The following NRXN3 variants were observed in gnomAD, a reference collection of about 807,000 sequenced individuals.
The protein encoded by NRXN3 is neurexin III.
A neutral mutation model predicts 137.6 loss-of-function variants in NRXN3; 32 were observed. The observed-to-expected ratio is 0.23, with a 90% CI of 0.18 to 0.31. NRXN3 has a LOEUF of 0.31. NRXN3 is among the 10% of genes least tolerant of loss of function. The probability of loss-of-function intolerance (pLI) is 1.00; values close to 1 mark genes in which losing one functional copy is unlikely to be tolerated. For synonymous variants in NRXN3, 798 were observed against 784.5 expected (o/e 1.02, Z -0.29); for missense variants, 1,574 against 2,062.5 (o/e 0.76, Z 4.59).
intron 6 of NRXN3, among the ~76,000 whole-genome samples, chr14:78,661,554 G>C (rs960115306): frequency 1.3e-5 from 2 of 152,182 alleles, no homozygotes; most frequent in Non-Finnish European, 2.9e-5. Flanking sequence ...TAACTTTGTG[G>C]ATGGCAGGGA....
At chr14:79,697,004 A>G (rs2098737936) in intron 18 of NRXN3, among the ~76,000 whole-genome samples, 1 of 151,960 alleles carries the variant, frequency 6.6e-6, no homozygotes, top group Non-Finnish European at 1.5e-5. Flanking sequence ...TTTGTTAACC[A>G]GAAAATAGAA....
chr14:78,817,067 G>T (rs2098935886), intron 10 of NRXN3, among the ~76,000 whole-genome samples: 1 of 152,162 alleles, frequency 6.6e-6, no homozygotes, highest in African/African-American at 2.4e-5. Flanking sequence ...ATATGTTATA[G>T]TAATTTTGTG....
At chr14:78,834,205 G>A (rs1048167416) in intron 10 of NRXN3, among the ~76,000 whole-genome samples, 1 of 152,068 alleles carries the variant, frequency 6.6e-6, no homozygotes, top group African/African-American at 2.4e-5. Flanking sequence ...GGAAGCTTGA[G>A]GAAACATTTA....
chr14:79,706,589 T>G (rs1387617843), intron 19 of NRXN3, among the ~76,000 whole-genome samples: 1 of 151,926 alleles, frequency 6.6e-6, no homozygotes, highest in African/African-American at 2.4e-5. Flanking sequence ...CGAGATCTGC[T>G]CTCTTATCTG....
intron 15 of NRXN3, among the ~76,000 whole-genome samples, chr14:79,075,618 C>T (rs1365998869): frequency 6.6e-6 from 1 of 152,104 alleles, no homozygotes; most frequent in East Asian, 1.9e-4. Context: ...ATTAAGTCTT[C>T]CTTTCTGTCC....
chr14:79,861,717 G>A lies in NRXN3; in HGVS notation c.4469G>A (p.Arg1490Gln). 6.2e-7 allele frequency: 1 copy of A among 1,614,134 alleles called. No homozygotes were observed. The highest frequency in any genetic ancestry group is 8.5e-7 in the Non-Finnish European group (1 of 1,180,030). The change falls in exon 21 of 21, where the codon CGG (arginine) becomes CAG (glutamine). Residue 1490 changes from arginine (R) to glutamine (Q), a missense_variant. Physicochemically the swap from Arg to Gln is conservative, Grantham distance 43. Around this residue, in one of 5 missense-constraint regions of NRXN3, gnomAD observed 320 missense variants for 387.1 expected, o/e 0.83. Coordinates refer to ENST00000335750, the MANE Select transcript of NRXN3 (RefSeq NM_001330195.2). This position sits in a 1 kb window ranked among gnomAD's most constrained non-coding sequence, Gnocchi z 5.4. The part of the protein sequence containing the change: ...RRVPGASEVI[R>Q]ESSSTTGMVV... ...GTTCCGGGGGCCTCAGAGGTGATCCGGGAGTCGAGCAGCACAACAGGGATG... is the reference window on the plus strand; with the variant it reads ...GTTCCGGGGGCCTCAGAGGTGATCCAGGAGTCGAGCAGCACAACAGGGATG...
chr14:79,691,674 C>T, intron 17 of NRXN3, among the ~76,000 whole-genome samples: 1 of 152,050 alleles, frequency 6.6e-6, no homozygotes. Flanking sequence ...CCTGTCGGAA[C>T]ATAAAGCTGT....
chr14:78,184,406 G>A (rs2060059805), intron 1 of NRXN3, among the ~76,000 whole-genome samples: 1 of 152,168 alleles, frequency 6.6e-6, no homozygotes, highest in Non-Finnish European at 1.5e-5. Context: ...GAGGCAGTTG[G>A]CAAATTTTGG....
intron 19 of NRXN3, among the ~76,000 whole-genome samples, chr14:79,796,109 G>A (rs2099160234): frequency 6.6e-6 from 1 of 152,080 alleles, no homozygotes. Context: ...AGAGAGGACA[G>A]CACCAATAAG....
At chr14:79,300,798 A>C (rs2085014979) in intron 15 of NRXN3, among the ~76,000 whole-genome samples, 2 of 152,080 alleles carry the variant, frequency 1.3e-5, no homozygotes, top group Non-Finnish European at 1.5e-5. Flanking sequence ...ATACTACAAA[A>C]GGGTGAGCGT....
At chr14:78,552,945 C>A (rs544308410) in intron 4 of NRXN3, among the ~76,000 whole-genome samples, 23 of 152,228 alleles carry the variant, frequency 1.5e-4, no homozygotes, top group Non-Finnish European at 2.8e-4. Flanking sequence ...TAAATTATAT[C>A]AATGTATTAA....
intron 16 of NRXN3, among the ~76,000 whole-genome samples, chr14:79,479,075 TATC>T (rs2096584112): frequency 6.6e-6 from 1 of 152,158 alleles, no homozygotes; most frequent in African/African-American, 2.4e-5. Flanking sequence ...TGATTACCCT[TATC>T]ATTATCTTAG....
At chr14:78,704,686 G>C (rs1299129987) in intron 6 of NRXN3, among the ~76,000 whole-genome samples, 2 of 152,094 alleles carry the variant, frequency 1.3e-5, no homozygotes, top group Non-Finnish European at 2.9e-5. Flanking sequence ...GAGAGATAAG[G>C]GCTCAAGTTC....
rs566897149 is a variant in NRXN3 at position 78,935,346 on chromosome 14, G to T, written c.2276-21896G>T. Among the ~76,000 whole-genome samples, 4 of 152,260 alleles carry T rather than the reference G, an allele frequency of 2.6e-5. No individual in the cohort carries two copies. In the East Asian group the frequency reaches 5.8e-4, roughly 22 times the overall value. ...TCTGGAATTCCAGGTCCACATTTCTGAGTATCTGCTAGTCATTTCCATGTA... is the reference window on the plus strand; with the variant it reads ...TCTGGAATTCCAGGTCCACATTTCTTAGTATCTGCTAGTCATTTCCATGTA... On this transcript the variant is annotated intron_variant, in intron 10 of 20. Coordinates refer to ENST00000335750, the MANE Select transcript of NRXN3 (RefSeq NM_001330195.2).
intron 10 of NRXN3, among the ~76,000 whole-genome samples, chr14:78,901,377 T>C (rs370725444): frequency 1.3e-5 from 2 of 152,046 alleles, no homozygotes; most frequent in Non-Finnish European, 2.9e-5. Context: ...ATTTTACATG[T>C]ATGTATTACC....
At chr14:78,889,898 C>T (rs2099154280) in intron 10 of NRXN3, among the ~76,000 whole-genome samples, 2 of 151,954 alleles carry the variant, frequency 1.3e-5, no homozygotes, top group South Asian at 2.1e-4. Context: ...TACAGGTGGG[C>T]CCTAAATCCA....
At chr14:79,842,077 G>A (rs1032724356) in intron 20 of NRXN3, among the ~76,000 whole-genome samples, 4 of 152,178 alleles carry the variant, frequency 2.6e-5, no homozygotes, top group Non-Finnish European at 1.5e-5. Context: ...CAAGGTATTC[G>A]TGGCTATTCC....
At chr14:78,633,408 G>A (rs542929625) in intron 4 of NRXN3, among the ~76,000 whole-genome samples, 1 of 152,062 alleles carries the variant, frequency 6.6e-6, no homozygotes, top group Non-Finnish European at 1.5e-5. Context: ...CTTGAATCAG[G>A]TCACCGATTT....
chr14:78,464,924 AC>A (rs1396874390), intron 4 of NRXN3, among the ~76,000 whole-genome samples: 7 of 152,210 alleles, frequency 4.6e-5, no homozygotes, highest in African/African-American at 1.4e-4. Context: ...AGGTATATTA[AC>A]ATTCACATTC....
Sources: gnomAD v4.1 joint callset for allele counts (sites outside exome capture counted in the v4.1 genomes callset) on GRCh38, gnomAD v4.1.1 for gene constraint, gnomAD v4.1.1 regional missense constraint, Gnocchi (gnomAD v3.1) non-coding constraint, MANE v1.5 for transcripts, NCBI Gene and HGNC (gene_info 2026-07-23, HGNC 2026-07-21) for gene names.